Variants in BCL11A observed in about 807,000 individuals in gnomAD.
BCL11A encodes the protein B cell CLL/lymphoma 11A.
Under a neutral mutation model 55.9 loss-of-function variants are expected in BCL11A, and 2 were observed. The ratio of observed to expected loss-of-function variants is 0.04; its 90% CI spans 0.01 to 0.11. The LOEUF (loss-of-function observed/expected upper bound fraction) is 0.11, where lower values mean the gene tolerates loss of function less well. Ranked by LOEUF, BCL11A falls within the 10% of genes least tolerant of loss-of-function variation. The probability of loss-of-function intolerance (pLI) is 1.00; values close to 1 mark genes in which losing one functional copy is unlikely to be tolerated. For synonymous variants in BCL11A, 465 were observed against 473.4 expected, an observed-to-expected ratio of 0.98 and a Z score of 0.23; for missense variants, 817 against 1,137.1, an observed-to-expected ratio of 0.72 and a Z score of 4.05.
chr2:60,468,059 ATGG>A (rs1263530622), intron 3 of BCL11A, among the ~76,000 whole-genome samples: 3 of 77,092 alleles, frequency 3.9e-5, no homozygotes, highest in African/African-American at 1.6e-4. Flanking sequence ...ACTGGTGGTG[ATGG>A]TGGTGGTGGT....
At chr2:60,486,842 C>T (rs570211321) in intron 2 of BCL11A, among the ~76,000 whole-genome samples, 8 of 152,318 alleles carry the variant, frequency 5.3e-5, no homozygotes, top group Admixed American at 3.9e-4. Context: ...AAGACTACTG[C>T]GAATCACTCT....
chr2:60,547,292 G>C (rs767404335), intron 1 of BCL11A, among the ~76,000 whole-genome samples: 1 of 152,082 alleles, frequency 6.6e-6, no homozygotes, highest in Non-Finnish European at 1.5e-5. Flanking sequence ...TTCTGAATGA[G>C]CTCCAAAATG....
intron 2 of BCL11A, among the ~76,000 whole-genome samples, chr2:60,474,281 G>A (rs1030317981): frequency 6.6e-6 from 1 of 151,580 alleles, no homozygotes; most frequent in African/African-American, 2.4e-5. Flanking sequence ...TGCAAGCTGT[G>A]TCTTTAACAT....
rs535874156 is a variant in BCL11A at position 60,460,764 on chromosome 2, C to T, written c.2148G>A (p.Thr716=). 6.2e-6 allele frequency: 10 copies of T among 1,613,670 alleles called. No homozygotes were observed. The highest frequency in any genetic ancestry group is 8.5e-6 in the Non-Finnish European group (10 of 1,180,034). ...LDGGISGRSG[T]GSGGSTPHIS... ...TATGGGGCGTGCTCCCTCCACTTCCCGTGCCGCTGCGCCCCGAGATCCCTC... is the reference window on the plus strand; with the variant it reads ...TATGGGGCGTGCTCCCTCCACTTCCTGTGCCGCTGCGCCCCGAGATCCCTC... The change falls in exon 4 of 4, where the codon ACG becomes ACA. Residue 716 remains threonine (T), a synonymous_variant. Coordinates refer to ENST00000642384, the MANE Select transcript of BCL11A (RefSeq NM_022893.4).
chr2:60,468,788 T>C lies in BCL11A; in HGVS notation c.431A>G (p.His144Arg), dbSNP rs1449675152. 3.7e-6 allele frequency: 6 copies of C among 1,607,276 alleles called. No individual in the cohort carries two copies. Among genetic ancestry groups the C allele is most frequent in the East Asian group, 2.2e-5 (1 of 44,782 alleles). ...CCCAGGCGTGGGGATTAGAGCTCCA[T>C]GTGCAGAACGAGGGGAGGAGAGGCC... ...WRGLSSPRSA[H>R]GALIPTPGMS... Residue 144 changes from histidine to arginine, a missense_variant, in exon 3 of 4, where the codon CAT becomes CGT. By Grantham distance (29) the His-to-Arg change is conservative (BLOSUM62 0). Coordinates refer to ENST00000642384, the MANE Select transcript of BCL11A (RefSeq NM_022893.4).
In BCL11A at chr2:60,521,067, G is replaced by GCACACACACA. The variant is rs58564312; in HGVS notation, c.385+24894_385+24903dup. Among the ~76,000 whole-genome samples the GCACACACACA allele has an allele frequency of 2.3e-3, 273 of 117,762 alleles. 1 individual carries two copies. Among genetic ancestry groups the GCACACACACA allele is most frequent in the African/African-American group, 7.0e-3 (250 of 35,870 alleles). The allele number at this position is 117,762 out of a possible 152,430, so 77.3% of individuals were successfully genotyped here. On this transcript the variant is annotated intron_variant, in intron 2 of 3. Transcript: ENST00000642384. ...AAAAGGAAGTGTAGCCTAGTGGTCA[G>GCACACACACA]CACACACACACACACACACACACAC...
chr2:60,498,324 C>A (rs1336849007), intron 2 of BCL11A, among the ~76,000 whole-genome samples: 1 of 151,968 alleles, frequency 6.6e-6, no homozygotes, highest in African/African-American at 2.4e-5. Context: ...GGGGACCGCT[C>A]ACAGGACATG....
chr2:60,537,192 A>G lies in BCL11A; in HGVS notation c.385+8779T>C, dbSNP rs1045223806. ...TTTTTCTCCTTAACATAACAAAAAC[A>G]TAACATGAGAAGGTTACGATTTATT... On this transcript the variant is annotated intron_variant, in intron 2 of 3. Transcript: ENST00000642384. The G allele has an allele frequency of 1.7e-4, 26 of 152,010 alleles. 1 individual carries two copies. The highest frequency in any genetic ancestry group is 6.3e-4 in the African/African-American group (26 of 41,444). 9.4% of individuals were successfully genotyped at this position (152,010 alleles called of 1,614,324 possible). A position where few individuals can be genotyped will look rare whatever the true frequency, so the allele number is the denominator to read the frequency against.
At position 60,460,836 on chromosome 2, in the gene BCL11A, C is replaced by CGAG; in HGVS notation, c.2073_2075dup (p.Ser692dup). 6.8e-6 allele frequency: 11 copies of CGAG among 1,612,672 alleles called. No homozygotes were observed. Among genetic ancestry groups the CGAG allele is most frequent in the Non-Finnish European group, 9.3e-6 (11 of 1,179,922 alleles). Reference sequence around the variant, plus strand: ...TGGAGAAGCGCAAACTCCCGTTCTCCGAGGAGTGCTCCGACGAGGAGGCAA... The same window carrying CGAG: ...TGGAGAAGCGCAAACTCCCGTTCTCCGAGGAGGAGTGCTCCGACGAGGAGGCAA... On this transcript the variant is annotated inframe_insertion, in exon 4 of 4. Coordinates refer to ENST00000642384, the MANE Select transcript of BCL11A (RefSeq NM_022893.4).
At chr2:60,491,667 G>A (rs560098539) in intron 2 of BCL11A, among the ~76,000 whole-genome samples, 24 of 146,384 alleles carry the variant, frequency 1.6e-4, no homozygotes, top group African/African-American at 4.8e-4. Flanking sequence ...GTAAATCTCC[G>A]TCTCACCAAA....
chr2:60,473,128 A>G (rs1677305134), intron 2 of BCL11A, among the ~76,000 whole-genome samples: 1 of 151,632 alleles, frequency 6.6e-6, no homozygotes, highest in South Asian at 2.1e-4. Flanking sequence ...GTGCATGCAC[A>G]TGTGTGTTAG....
At position 60,468,729 on chromosome 2, in the gene BCL11A, T is replaced by TA; in HGVS notation, c.487+2dup. On this transcript the variant is annotated splice_region_variant and intron_variant, in intron 3 of 3. Transcript: ENST00000642384. ...TTTGTAGAAGAAATAAGGCTCAACTTACAAATACCCTGCGGGGCATATTCT... is the reference window on the plus strand; with the variant it reads ...TTTGTAGAAGAAATAAGGCTCAACTTAACAAATACCCTGCGGGGCATATTCT... The TA allele has an allele frequency of 6.2e-7, 1 of 1,606,520 alleles. No homozygotes were observed. Among genetic ancestry groups the TA allele is most frequent in the Non-Finnish European group, 8.5e-7 (1 of 1,173,622 alleles).
At chr2:60,468,026 G>C (rs1025029625) in intron 3 of BCL11A, among the ~76,000 whole-genome samples, 2 of 87,948 alleles carry the variant, frequency 2.3e-5, no homozygotes, top group African/African-American at 9.7e-5. Flanking sequence ...GGTGGTGGTA[G>C]TGGTGGTGAT....
At chr2:60,481,502 C>G (rs1677959084) in intron 2 of BCL11A, among the ~76,000 whole-genome samples, 1 of 152,092 alleles carries the variant, frequency 6.6e-6, no homozygotes, top group African/African-American at 2.4e-5. Flanking sequence ...AGGGCTAGAA[C>G]TTAAGCCACC....
rs1676031893 is a variant in BCL11A, at chr2:60,458,071, C to G, written c.*2333G>C. 2 of 1,031,036 alleles carry G rather than the reference C, an allele frequency of 1.9e-6. No homozygotes were observed. The highest frequency in any genetic ancestry group is 1.7e-5 in the African/African-American group (1 of 58,718). 63.9% of individuals were successfully genotyped at this position (1,031,036 alleles called of 1,614,324 possible). A position where few individuals can be genotyped will look rare whatever the true frequency, so the allele number is the denominator to read the frequency against. ...ACTACCAAAAAAGGTACATTGATAC[C>G]TTTTAAGAGAACAAGCAACAGTTAA... On this transcript the variant is annotated 3_prime_UTR_variant, in exon 4 of 4. Coordinates refer to ENST00000642384, the MANE Select transcript of BCL11A (RefSeq NM_022893.4).
At chr2:60,507,157 AGGATTAAAT>A (rs959335359) in intron 2 of BCL11A, among the ~76,000 whole-genome samples, 9 of 150,512 alleles carry the variant, frequency 6.0e-5, no homozygotes, top group Non-Finnish European at 1.2e-4. Context: ...CAGAGGGCCA[AGGATTAAAT>A]GCTCTTCTAG....
intron 2 of BCL11A, among the ~76,000 whole-genome samples, chr2:60,488,645 G>A (rs1051805792): frequency 2.6e-5 from 4 of 152,150 alleles, no homozygotes; most frequent in Non-Finnish European, 5.9e-5. Flanking sequence ...TTCTAGTTTT[G>A]CTTAACATGA....
At chr2:60,482,724 G>C (rs1437694998) in intron 2 of BCL11A, among the ~76,000 whole-genome samples, 1 of 152,166 alleles carries the variant, frequency 6.6e-6, no homozygotes, top group African/African-American at 2.4e-5. Flanking sequence ...CTGCTTCAGT[G>C]GTAGCTCAAA....
At chr2:60,534,538 C>A (rs1174184528) in intron 2 of BCL11A, 2 of 152,238 alleles carry the variant, frequency 1.3e-5, no homozygotes, top group African/African-American at 4.8e-5. Context: ...ATACATATTT[C>A]TCTATGTATC....
Sources: allele counts gnomAD v4.1 joint callset (sites outside exome capture counted in the v4.1 genomes callset), GRCh38; gene constraint gnomAD v4.1.1; transcripts MANE v1.5; gene names NCBI Gene and HGNC (gene_info 2026-07-23, HGNC 2026-07-21).